IPO5: variants seen among roughly 807,000 people sequenced by gnomAD.
IPO5 encodes importin 5.
Under a neutral mutation model 143.3 loss-of-function variants are expected in IPO5, and 18 were observed. That is an observed-to-expected ratio of 0.13 (90% CI 0.09 to 0.19). IPO5 has a LOEUF of 0.19. IPO5 is among the 10% of genes least tolerant of loss of function. The pLI is 1.00. For synonymous variants in IPO5, 477 were observed against 465.7 expected (o/e 1.02, Z -0.31); for missense variants, 1,013 against 1,336.9 (o/e 0.76, Z 3.78).
Position 97,989,053 on chromosome 13 carries a change from T to C in IPO5, c.365-9T>C, listed in dbSNP as rs968693305. The C allele has an allele frequency of 4.5e-5, 69 of 1,544,200 alleles. No individual in the cohort carries two copies. The highest frequency in any genetic ancestry group is 5.9e-5 in the Non-Finnish European group (66 of 1,117,328). Reference sequence around the variant, plus strand: ...ACACAACTTTATGTCTGGATTTCTTTACTTTCAGATGAGGATGGCAATAAC... The same window carrying C: ...ACACAACTTTATGTCTGGATTTCTTCACTTTCAGATGAGGATGGCAATAAC... On this transcript the variant is annotated splice_polypyrimidine_tract_variant and intron_variant, in intron 6 of 28. Coordinates refer to ENST00000651721, the MANE Select transcript of IPO5 (RefSeq NM_002271.6).
chr13:98,005,470 C>T (rs1264836054), intron 16 of IPO5, among the ~76,000 whole-genome samples: 4 of 151,804 alleles, frequency 2.6e-5, no homozygotes, highest in African/African-American at 4.8e-5. Context: ...TCAGGTGATC[C>T]GCCTGCCTCA....
Position 98,018,557 on chromosome 13 carries a change from C to A in IPO5, c.2689C>A (p.Pro897Thr). ...TGATGATGTCATAGAACACTGTAGT[C>A]CAGCCTCATTTAAATACGCAGAATA... ...IFDDVIEHCS[P>T]ASFKYAEYFL... Residue 897 changes from proline (P) to threonine (T), a missense_variant, in exon 26 of 29, where the codon CCA becomes ACA. This residue lies in a region of IPO5 where 685 missense variants were observed against 994.9 expected (regional missense o/e 0.69). Transcript: ENST00000651721. The A allele has an allele frequency of 6.2e-7, 1 of 1,613,998 alleles. No individual in the cohort carries two copies. Among genetic ancestry groups the A allele is most frequent in the Non-Finnish European group, 8.5e-7 (1 of 1,179,902 alleles).
At chr13:97,979,647 C>T (rs1334077776) in intron 4 of IPO5, among the ~76,000 whole-genome samples, 1 of 152,126 alleles carries the variant, frequency 6.6e-6, no homozygotes, top group Non-Finnish European at 1.5e-5. Flanking sequence ...TATTTTCTTA[C>T]TAAGGTTCTC....
At chr13:97,967,226 G>A (rs1885419023) in intron 2 of IPO5, among the ~76,000 whole-genome samples, 1 of 152,058 alleles carries the variant, frequency 6.6e-6, no homozygotes, top group Non-Finnish European at 1.5e-5. Flanking sequence ...ATTTCTGAAA[G>A]CTGGGTAGTG....
chr13:97,981,236 C>T (rs1384856248), intron 4 of IPO5: 1 of 455,520 alleles, frequency 2.2e-6, no homozygotes, highest in Non-Finnish European at 4.4e-6. Context: ...ATCTGTTCTT[C>T]CCCAGACAGA....
intron 21 of IPO5, among the ~76,000 whole-genome samples, chr13:98,012,801 A>ATTTTTTTTTTTTTTTTTTTTTTTT (rs59658983): frequency 9.2e-6 from 1 of 109,180 alleles, no homozygotes; most frequent in East Asian, 4.1e-4. Flanking sequence ...GCTAGATTTG[A>ATTTTTTTTTTTTTTTTTTTTTTTT]TTTTTTTTTT....
chr13:98,008,834 A>G (rs992416605), intron 18 of IPO5, among the ~76,000 whole-genome samples: 5 of 152,236 alleles, frequency 3.3e-5, no homozygotes, highest in African/African-American at 4.8e-5. Flanking sequence ...CTAACATATA[A>G]CAAGGCACTC....
rs527272109 is a variant in IPO5, at chr13:97,975,476, G to C, written c.-4-1217G>C. On this transcript the variant is annotated intron_variant, in intron 3 of 28. Coordinates refer to ENST00000651721, the MANE Select transcript of IPO5 (RefSeq NM_002271.6). ...ACTGCACTCCAGCCTAGGCGACAGA[G>C]CAAGGCTTCCACTGACACCCTTAGC... 2.0e-5 allele frequency among the ~76,000 whole-genome samples: 3 copies of C among 152,300 alleles called. No homozygotes were observed. In the East Asian group the frequency reaches 5.8e-4, roughly 29 times the overall value.
Position 97,989,112 on chromosome 13 carries a change from T to A in IPO5, c.415T>A (p.Ser139Thr). 4 of 1,613,826 alleles carry A rather than the reference T, an allele frequency of 2.5e-6. No homozygotes were observed. Among genetic ancestry groups the A allele is most frequent in the Non-Finnish European group, 3.4e-6 (4 of 1,179,718 alleles). The change falls in exon 7 of 29, where the codon TCA becomes ACA. Residue 139 changes from serine (S) to threonine (T), a missense_variant. Physicochemically the swap from Ser to Thr is moderately conservative, Grantham distance 58. Around this residue, in one of 2 missense-constraint regions of IPO5, gnomAD observed 328 missense variants for 342.0 expected, o/e 0.96. Coordinates refer to ENST00000651721, the MANE Select transcript of IPO5 (RefSeq NM_002271.6). ...WPEGLKFLFDSVSSQNVGLRE... is the reference protein window; with the variant it reads ...WPEGLKFLFDTVSSQNVGLRE... ...CGAAGGTTTGAAGTTCCTTTTTGAT[T>A]CAGTCAGCTCTCAAAATGTGGGACT...
chr13:98,021,769 C>A lies in IPO5; in HGVS notation c.3241C>A (p.Gln1081Lys). ...SGGLWTECIA[Q>K]LSPEQQAAIQ... is the part of the protein sequence containing the mutation. ...AGGACTGTGGACTGAGTGCATAGCA[C>A]AGCTCAGTCCTGAGCAGCAGGCCGC... Residue 1081 changes from glutamine to lysine, a missense_variant, in exon 29 of 29, where the codon CAG becomes AAG. By Grantham distance (53) the Gln-to-Lys change is moderately conservative. This residue lies in a region of IPO5 where 685 missense variants were observed against 994.9 expected (regional missense o/e 0.69). Transcript: ENST00000651721. The A allele has an allele frequency of 6.3e-7, 1 of 1,594,244 alleles. No individual in the cohort carries two copies. The highest frequency in any genetic ancestry group is 8.6e-7 in the Non-Finnish European group (1 of 1,165,304).
intron 3 of IPO5, 124 bp from the exon 4 acceptor site, chr13:97,976,569 C>A (rs904022501): frequency 5.3e-6 from 1 of 189,344 alleles, no homozygotes; most frequent in Non-Finnish European, 1.0e-5. Flanking sequence ...CCGCGCGGCC[C>A]CCCGCAAGCC....
intron 4 of IPO5, among the ~76,000 whole-genome samples, chr13:97,978,889 A>G (rs1886611631): frequency 6.6e-6 from 1 of 152,220 alleles, no homozygotes. Flanking sequence ...ACATTTTCTC[A>G]TAAAGAACAA....
At chr13:98,020,551 T>C (rs1230278947) in intron 27 of IPO5, among the ~76,000 whole-genome samples, 1 of 152,218 alleles carries the variant, frequency 6.6e-6, no homozygotes, top group Non-Finnish European at 1.5e-5. Context: ...TCTGAAATTC[T>C]CTTAGTGACA....
chr13:97,981,063 T>G (rs1351138052), intron 4 of IPO5, among the ~76,000 whole-genome samples: 2 of 152,216 alleles, frequency 1.3e-5, no homozygotes, highest in Admixed American at 1.3e-4. Context: ...TGAATATCTT[T>G]ACATAAATTA....
intron 16 of IPO5, 114 bp downstream of exon 16, chr13:98,003,151 A>C: frequency 1.2e-6 from 1 of 826,092 alleles, no homozygotes; most frequent in South Asian, 1.7e-5. Context: ...AATATAAAGT[A>C]CAAAAACTGA....
rs1889235734 is a variant in IPO5 at position 98,006,321 on chromosome 13, C to T, written c.1689C>T (p.Leu563=). The change falls in exon 17 of 29, where the codon CTC becomes CTT. Residue 563 remains leucine, a synonymous_variant. Transcript: ENST00000651721. ...LRGKTIECIS[L]IGLAVGKEKF... is the part of the protein sequence containing the mutation. ...GAAAAACTATTGAATGCATTAGCCT[C>T]ATTGGTCTGGCTGTTGGGAAGGAAA... 6.9e-7 allele frequency: 1 copy of T among 1,455,224 alleles called. No homozygotes were observed. The highest frequency in any genetic ancestry group is 9.4e-7 in the Non-Finnish European group (1 of 1,066,046). The allele number at this position is 1,455,224 out of a possible 1,614,324, so 90.1% of individuals were successfully genotyped here. A position where few individuals can be genotyped will look rare whatever the true frequency, so the allele number is the denominator to read the frequency against.
chr13:98,016,646 T>A (rs1332898964), intron 24 of IPO5, 83 bp from the exon 25 acceptor site: 16 of 731,482 alleles, frequency 2.2e-5, no homozygotes, highest in Non-Finnish European at 3.2e-5. Context: ...CTGCATTTTT[T>A]AAGGTTTTTA....
intron 3 of IPO5, among the ~76,000 whole-genome samples, chr13:97,974,415 T>A (rs1305862365): frequency 6.6e-6 from 1 of 151,822 alleles, no homozygotes; most frequent in Non-Finnish European, 1.5e-5. Flanking sequence ...CAAGTGATTC[T>A]CCTGCCTCAG....
chr13:97,994,309 A>AG lies in IPO5; in HGVS notation c.913+1084_913+1085insG, dbSNP rs200190548. 2.6e-5 allele frequency among the ~76,000 whole-genome samples: 4 copies of AG among 152,278 alleles called. No homozygotes were observed. In the East Asian group the frequency reaches 7.7e-4, roughly 29 times the overall value. On this transcript the variant is annotated intron_variant, in intron 11 of 28. Transcript: ENST00000651721. ...GGCAACAAGAGCGAAACTCGTCTCAAAAAAAAGAATTAGAAAACAAAAATA... is the reference window on the plus strand; with the variant it reads ...GGCAACAAGAGCGAAACTCGTCTCAAGAAAAAAGAATTAGAAAACAAAAATA...
Sources: allele counts gnomAD v4.1 joint callset (sites outside exome capture counted in the v4.1 genomes callset), GRCh38; gene constraint gnomAD v4.1.1; regional missense constraint gnomAD v4.1.1; transcripts MANE v1.5; gene names NCBI Gene and HGNC (gene_info 2026-07-23, HGNC 2026-07-21).